BRI3BP: variants seen among roughly 807,000 people sequenced by gnomAD.
BRI3BP encodes BRI3-binding protein.
BRI3BP carries 7 observed loss-of-function variants against 15.8 expected under a neutral mutation model. That is an observed-to-expected ratio of 0.44 (90% CI 0.25 to 0.83). The LOEUF is 0.83. Ranked by LOEUF, BRI3BP falls within the 40% of genes least tolerant of loss-of-function variation. The pLI, the probability that BRI3BP is intolerant of heterozygous loss-of-function variation, is 0.20. For synonymous variants in BRI3BP, 192 were observed against 163.5 expected, an observed-to-expected ratio of 1.17 and a Z score of -1.33; for missense variants, 320 against 339.3, an observed-to-expected ratio of 0.94 and a Z score of 0.45.
At chr12:125,045,433 G>A in the BRI3BP span, among the ~76,000 whole-genome samples, 1 of 152,132 alleles carries the variant, frequency 6.6e-6, no homozygotes, top group Non-Finnish European at 1.5e-5. Context: ...CGCCTCCCTG[G>A]TTCAAGCTAT....
chr12:125,025,236 C>G lies in BRI3BP; in HGVS notation c.562C>G (p.Leu188Val). The G allele has an allele frequency of 6.2e-7, 1 of 1,614,146 alleles. No individual in the cohort carries two copies. The highest frequency in any genetic ancestry group is 1.1e-5 in the South Asian group (1 of 91,084). The change falls in exon 3 of 3, where the codon CTG (leucine) becomes GTG (valine). Residue 188 changes from leucine (L) to valine (V), a missense_variant. Transcript: ENST00000341446. ...EGEPENAVLP[L>V]CFVVAVYFMT... is the part of the protein sequence containing the mutation. Reference sequence around the variant, plus strand: ...CGAGCCGGAGAACGCGGTGCTGCCGCTGTGCTTCGTGGTGGCCGTCTACTT... The same window carrying G: ...CGAGCCGGAGAACGCGGTGCTGCCGGTGTGCTTCGTGGTGGCCGTCTACTT...
rs1286460068 is a variant in BRI3BP at position 125,004,596 on chromosome 12, CCT to C, written c.214-7937_214-7936del. Among the ~76,000 whole-genome samples the C allele has an allele frequency of 3.3e-5, 5 of 152,192 alleles. No individual in the cohort carries two copies. The East Asian group carries it at 9.7e-4, about 29-fold the overall frequency. ...CAGGGAGTCGCCATATACCCCTCAC[CCT>C]GTTTCCCCCATTATTAACGTTGTAT... is the stretch of plus-strand genomic sequence containing the variant. On this transcript the variant is annotated intron_variant, in intron 1 of 2. Transcript: ENST00000341446.
chr12:125,012,320 A>G (rs568905600), intron 1 of BRI3BP, among the ~76,000 whole-genome samples: 5 of 152,308 alleles, frequency 3.3e-5, no homozygotes, highest in African/African-American at 4.8e-5. Context: ...AGCCCTTGCA[A>G]GGAAGGGGTC....
At chr12:125,008,234 G>T (rs1489652966) in intron 1 of BRI3BP, among the ~76,000 whole-genome samples, 1 of 151,316 alleles carries the variant, frequency 6.6e-6, no homozygotes, top group Non-Finnish European at 1.5e-5. Context: ...TCTTCTGCAG[G>T]CCCTCCTCCC....
chr12:125,044,021 A>C, the BRI3BP span, among the ~76,000 whole-genome samples: 30 of 94,600 alleles, frequency 3.2e-4, no homozygotes, highest in Non-Finnish European at 1.2e-4. Context: ...CAAGACATTT[A>C]AAAAAAAAAA....
Position 125,009,424 on chromosome 12 carries a change from G to A in BRI3BP, c.214-3110G>A, listed in dbSNP as rs572062683. ...CCTGCCTCAGCCTCCCAAGTAGCTG[G>A]GATTACAGGCGTGCACCACCACGCC... On this transcript the variant is annotated intron_variant, in intron 1 of 2. Coordinates refer to ENST00000341446, the MANE Select transcript of BRI3BP (RefSeq NM_080626.6). Among the ~76,000 whole-genome samples the A allele has an allele frequency of 4.8e-4, 73 of 151,514 alleles. 1 individual carries two copies. Among genetic ancestry groups the A allele is most frequent in the African/African-American group, 1.7e-3 (71 of 41,262 alleles).
At chr12:125,012,855 G>T (rs1342481445) in intron 2 of BRI3BP, among the ~76,000 whole-genome samples, 1 of 151,962 alleles carries the variant, frequency 6.6e-6, no homozygotes, top group Non-Finnish European at 1.5e-5. Context: ...AGGTGGGAGG[G>T]TTGCTTGAAC....
intron 1 of BRI3BP, among the ~76,000 whole-genome samples, chr12:124,997,082 G>C (rs1177940897): frequency 6.6e-6 from 1 of 151,480 alleles, no homozygotes; most frequent in African/African-American, 2.4e-5. Context: ...TCTAGGACTT[G>C]TCTGAAATAC....
At chr12:124,998,634 A>C (rs1955059411) in intron 1 of BRI3BP, among the ~76,000 whole-genome samples, 1 of 152,180 alleles carries the variant, frequency 6.6e-6, no homozygotes, top group African/African-American at 2.4e-5. Flanking sequence ...ATTACTGCTT[A>C]ATTGATCTAG....
chr12:124,999,144 A>G (rs939872227), intron 1 of BRI3BP, among the ~76,000 whole-genome samples: 2 of 152,202 alleles, frequency 1.3e-5, no homozygotes, highest in African/African-American at 4.8e-5. Flanking sequence ...GATTCCTCTC[A>G]GGCAGAATAT....
At position 125,029,081 on chromosome 12, in the gene BRI3BP, A is replaced by G. The variant is rs1001395953; in HGVS notation, c.*3651A>G. The G allele has an allele frequency of 9.2e-5, 14 of 152,210 alleles. No homozygotes were observed. Among genetic ancestry groups the G allele is most frequent in the African/African-American group, 2.9e-4 (12 of 41,460 alleles). The allele number at this position is 152,210 out of a possible 1,614,324, so 9.4% of individuals were successfully genotyped here. A position where few individuals can be genotyped will look rare whatever the true frequency, so the allele number is the denominator to read the frequency against. ...ACAGTAAATACTTGTTTTACTGAGA[A>G]CAGAAAATAATCCAGAAAAGGAAAA... On this transcript the variant is annotated 3_prime_UTR_variant, in exon 3 of 3. Coordinates refer to ENST00000341446, the MANE Select transcript of BRI3BP (RefSeq NM_080626.6).
the BRI3BP span, among the ~76,000 whole-genome samples, chr12:125,045,989 AC>A: frequency 3.3e-5 from 5 of 151,580 alleles, no homozygotes; most frequent in East Asian, 2.0e-4. Context: ...ACATGGTGAA[AC>A]CCCGTCTCTA....
downstream of BRI3BP, among the ~76,000 whole-genome samples, chr12:125,032,666 C>T (rs773561562): frequency 5.9e-5 from 9 of 152,096 alleles, no homozygotes; most frequent in Non-Finnish European, 7.4e-5. Flanking sequence ...CCCAGCTACT[C>T]GGGAGGCTGA....
At chr12:125,050,383 A>C in the BRI3BP span, among the ~76,000 whole-genome samples, 1 of 152,036 alleles carries the variant, frequency 6.6e-6, no homozygotes, top group Non-Finnish European at 1.5e-5. Flanking sequence ...ATAATCAATA[A>C]ATTTAAAAAT....
chr12:124,993,769 C>G lies in BRI3BP; in HGVS notation c.-22C>G. 9.9e-7 allele frequency: 1 copy of G among 1,005,946 alleles called. No individual in the cohort carries two copies. The highest frequency in any genetic ancestry group is 4.4e-5 in the South Asian group (1 of 22,684). 62.3% of individuals were successfully genotyped at this position (1,005,946 alleles called of 1,614,324 possible). ...GCACGGCCCTCACCCCGCATCGCGA[C>G]CCCGCGCCCCGCCGGCCGAGCATGG... On this transcript the variant is annotated 5_prime_UTR_variant, in exon 1 of 3. Coordinates refer to ENST00000341446, the MANE Select transcript of BRI3BP (RefSeq NM_080626.6).
Position 125,019,660 on chromosome 12 carries a change from C to CTTTTTTTTTTTTTTTTTTTTTTTTT in BRI3BP, c.317-5325_317-5324insTTTTTTTTTTTTTTTTTTTTTTTTT, listed in dbSNP as rs1955278838. Among the ~76,000 whole-genome samples the CTTTTTTTTTTTTTTTTTTTTTTTTT allele has an allele frequency of 2.3e-3, 56 of 24,732 alleles. 4 individuals carry two copies. Among genetic ancestry groups the CTTTTTTTTTTTTTTTTTTTTTTTTT allele is most frequent in the South Asian group, 5.1e-3 (3 of 590 alleles). The allele number at this position is 24,732 out of a possible 152,430, so 16.2% of individuals were successfully genotyped here. ...CTTTTTTTTTTTTTTTTTTTTTTGCCTTTTTTGCTGTGAGTACTTGAAAAT... is the reference window on the plus strand; with the variant it reads ...CTTTTTTTTTTTTTTTTTTTTTTGCCTTTTTTTTTTTTTTTTTTTTTTTTTTTTTTTGCTGTGAGTACTTGAAAAT... On this transcript the variant is annotated intron_variant, in intron 2 of 2. Coordinates refer to ENST00000341446, the MANE Select transcript of BRI3BP (RefSeq NM_080626.6).
intron 2 of BRI3BP, among the ~76,000 whole-genome samples, chr12:125,013,877 G>A (rs1482038462): frequency 6.6e-6 from 1 of 152,132 alleles, no homozygotes; most frequent in Non-Finnish European, 1.5e-5. Flanking sequence ...CTTGGCGGAT[G>A]GCAAGGCAGC....
rs1360225283 is a variant in BRI3BP at position 125,029,543 on chromosome 12, A to G, written c.*4113A>G. 1 of 147,802 alleles carries G rather than the reference A, an allele frequency of 6.8e-6. No homozygotes were observed. Among genetic ancestry groups the G allele is most frequent in the Non-Finnish European group, 1.5e-5 (1 of 67,644 alleles). 9.2% of individuals were successfully genotyped at this position (147,802 alleles called of 1,614,324 possible). A position where few individuals can be genotyped will look rare whatever the true frequency, so the allele number is the denominator to read the frequency against. Reference sequence around the variant, plus strand: ...TGAGACCCAGTCTCAAAAAAAAAAAAAAGTGTGTGTGTGTGTATATATATG... The same window carrying G: ...TGAGACCCAGTCTCAAAAAAAAAAAGAAGTGTGTGTGTGTGTATATATATG... On this transcript the variant is annotated 3_prime_UTR_variant, in exon 3 of 3. Coordinates refer to ENST00000341446, the MANE Select transcript of BRI3BP (RefSeq NM_080626.6).
chr12:125,035,103 T>C (rs914862784), downstream of BRI3BP, among the ~76,000 whole-genome samples: 1 of 152,244 alleles, frequency 6.6e-6, no homozygotes, highest in Non-Finnish European at 1.5e-5. Context: ...ATGGACTTTT[T>C]GGTTGTTTCC....
Sources: allele counts gnomAD v4.1 joint callset (sites outside exome capture counted in the v4.1 genomes callset), GRCh38; gene constraint gnomAD v4.1.1; transcripts MANE v1.5; gene names NCBI Gene and HGNC (gene_info 2026-07-23, HGNC 2026-07-21).